MESD: variants seen among roughly 807,000 people sequenced by gnomAD.
MESD encodes the protein mesoderm development LRP chaperone.
A neutral mutation model predicts 12.9 loss-of-function variants in MESD; 7 were observed. The ratio of observed to expected loss-of-function variants is 0.54; its 90% CI spans 0.31 to 1.02. The LOEUF (loss-of-function observed/expected upper bound fraction) is 1.02, where lower values mean the gene tolerates loss of function less well. Among genes scored for constraint, MESD ranks in the 50% least tolerant of loss-of-function variants. The probability of loss-of-function intolerance (pLI) is 0.05; values close to 1 mark genes in which losing one functional copy is unlikely to be tolerated. For synonymous variants in MESD, 126 were observed against 115.6 expected (o/e 1.09, Z -0.58); for missense variants, 342 against 296.7 (o/e 1.15, Z -1.12).
At chr15:80,985,639 C>CTTTTTTTTTT (rs11425497) in intron 1 of MESD, among the ~76,000 whole-genome samples, 3 of 89,050 alleles carry the variant, frequency 3.4e-5, no homozygotes, top group African/African-American at 9.3e-5. Context: ...TCCCAAGCAG[C>CTTTTTTTTTT]TTTTTTTTTT....
intron 1 of MESD, among the ~76,000 whole-genome samples, chr15:80,988,722 T>G (rs1049886015): frequency 5.9e-5 from 9 of 152,202 alleles, no homozygotes; most frequent in African/African-American, 1.4e-4. Flanking sequence ...GGAAGGAATC[T>G]TAGGACCCAT....
Position 80,982,175 on chromosome 15 carries a change from T to C in MESD, c.221A>G (p.Asp74Gly). ...TGGAAGATCTCCTTCTTCAATGTCA[T>C]CATCTTTCTATCAGATTAGGGGAAA... is the stretch of plus-strand genomic sequence containing the variant. ...ARLLEQWEKD[D>G]DIEEGDLPEH... The change falls in exon 2 of 3, where the codon GAT (aspartate) becomes GGT (glycine). Residue 74 changes from aspartate (D) to glycine (G), a missense_variant. Transcript: ENST00000261758. The C allele has an allele frequency of 1.2e-6, 2 of 1,613,558 alleles. No homozygotes were observed. The highest frequency in any genetic ancestry group is 1.1e-5 in the South Asian group (1 of 91,064).
rs558349904 is a variant in MESD, at chr15:80,976,009, G to C, written c.*3210C>G. The C allele has an allele frequency of 2.0e-5, 3 of 152,036 alleles. No homozygotes were observed. The highest frequency in any genetic ancestry group is 7.2e-5 in the African/African-American group (3 of 41,414). 9.4% of individuals were successfully genotyped at this position (152,036 alleles called of 1,614,324 possible). ...ATTTCTCTTAAAAAATTTTTGTTTC[G>C]TTTTTTTGAGACAGAGTCTCATCCC... On this transcript the variant is annotated 3_prime_UTR_variant, in exon 3 of 3. Transcript: ENST00000261758.
chr15:80,946,356 T>A (rs1025710342), downstream of MESD: 1 of 155,428 alleles, frequency 6.4e-6, no homozygotes, highest in Non-Finnish European at 1.4e-5. Flanking sequence ...AAAATGCAGA[T>A]TCTGATTCAG....
rs1003483874 is a variant in MESD, at chr15:80,989,475, G to A, written c.213+104C>T. On this transcript the variant is annotated intron_variant, in intron 1 of 2. Transcript: ENST00000261758. ...GTAAGGATTCAAGGCATGAGTAGAG[G>A]AGGTTAGGGGGTCAGAAAGGTCCCA... The A allele has an allele frequency of 1.4e-5, 18 of 1,302,812 alleles. No homozygotes were observed. In the African/African-American group the frequency reaches 2.5e-4, roughly 18 times the overall value. The allele number at this position is 1,302,812 out of a possible 1,614,324, so 80.7% of individuals were successfully genotyped here. A position where few individuals can be genotyped will look rare whatever the true frequency, so the allele number is the denominator to read the frequency against.
chr15:80,956,774 C>G (rs900906618), intron 3 of MESD, among the ~76,000 whole-genome samples: 22 of 151,922 alleles, frequency 1.4e-4, no homozygotes, highest in African/African-American at 5.3e-4. Flanking sequence ...GATACAAGGA[C>G]GGAGCATGCA....
intron 3 of MESD, among the ~76,000 whole-genome samples, chr15:80,959,373 G>A (rs956894027): frequency 2.0e-5 from 3 of 152,182 alleles, no homozygotes; most frequent in Admixed American, 6.5e-5. Flanking sequence ...GGCTTCCCAC[G>A]AGTCAAGTGT....
intron 3 of MESD, chr15:80,970,335 G>A (rs543036837): frequency 1.3e-5 from 2 of 152,314 alleles, no homozygotes; most frequent in Admixed American, 1.3e-4. Flanking sequence ...TTCCCAAGCT[G>A]TGCTTTGGTT....
chr15:80,988,938 G>C (rs746618802), intron 1 of MESD, among the ~76,000 whole-genome samples: 14 of 152,190 alleles, frequency 9.2e-5, no homozygotes, highest in Non-Finnish European at 1.8e-4. Context: ...GCGTCCAAGT[G>C]ACAAACCAGA....
At position 80,948,784 on chromosome 15, in the gene MESD, C is replaced by A. The variant is rs371037130; in HGVS notation, c.*741G>T. On this transcript the variant is annotated 3_prime_UTR_variant, in exon 5 of 5. Coordinates refer to the MESD transcript ENST00000561312. ...TAGGGCTTTTGCTCAGGAGACTCATCATTGCTTTTCAGAGCAAATGGCATT... is the reference window on the plus strand; with the variant it reads ...TAGGGCTTTTGCTCAGGAGACTCATAATTGCTTTTCAGAGCAAATGGCATT... 6 of 1,614,084 alleles carry A rather than the reference C, an allele frequency of 3.7e-6. No homozygotes were observed. In the South Asian group the frequency reaches 6.6e-5, roughly 18 times the overall value.
At chr15:80,967,568 T>A in intron 3 of MESD, among the ~76,000 whole-genome samples, 1 of 152,114 alleles carries the variant, frequency 6.6e-6, no homozygotes, top group East Asian at 1.9e-4. Flanking sequence ...GGAGCTGAGG[T>A]AGGAGGCATG....
At chr15:80,947,918 CTTAG>C (rs2141763329) in exon 5 of MESD, 1 of 152,306 alleles carries the variant, frequency 6.6e-6, no homozygotes, top group Non-Finnish European at 1.5e-5. Context: ...AGCTGGGCTT[CTTAG>C]TTATACACCA....
At chr15:80,961,730 T>C (rs1488936943) in intron 3 of MESD, among the ~76,000 whole-genome samples, 2 of 152,178 alleles carry the variant, frequency 1.3e-5, no homozygotes, top group Admixed American at 1.3e-4. Flanking sequence ...CAGTCAGATA[T>C]TGGCTAAATA....
At chr15:80,948,705 G>A (rs535784949) in exon 5 of MESD, 24 of 1,559,034 alleles carry the variant, frequency 1.5e-5, no homozygotes, top group South Asian at 4.5e-5. Context: ...CCTGGTGGGC[G>A]TGGGGGGCTG....
chr15:80,974,152 A>T (rs2141802972), downstream of MESD, among the ~76,000 whole-genome samples: 1 of 152,280 alleles, frequency 6.6e-6, no homozygotes, highest in Non-Finnish European at 1.5e-5. Flanking sequence ...AGCCACACAC[A>T]GCCTTGTCTG....
intron 3 of MESD, chr15:80,952,885 C>A: frequency 2.2e-6 from 1 of 445,238 alleles, no homozygotes; most frequent in Non-Finnish European, 4.5e-6. Context: ...CTGTGCCAGG[C>A]ACGGTGCACA....
At chr15:80,963,780 C>G (rs528974733) in intron 3 of MESD, among the ~76,000 whole-genome samples, 1 of 152,130 alleles carries the variant, frequency 6.6e-6, no homozygotes, top group Non-Finnish European at 1.5e-5. Context: ...AATTCACCAG[C>G]CTTTCATGCT....
At chr15:80,986,186 A>G (rs1902725783) in intron 1 of MESD, among the ~76,000 whole-genome samples, 1 of 152,204 alleles carries the variant, frequency 6.6e-6, no homozygotes, top group Admixed American at 6.5e-5. Context: ...AATACCGCGC[A>G]TTCTCCTTCG....
intron 3 of MESD, among the ~76,000 whole-genome samples, chr15:80,968,601 G>C (rs1902221673): frequency 6.6e-6 from 1 of 152,152 alleles, no homozygotes; most frequent in Non-Finnish European, 1.5e-5. Flanking sequence ...GAGCTCAGGA[G>C]TTTAAGACCA....
Sources: gnomAD v4.1 joint callset for allele counts (sites outside exome capture counted in the v4.1 genomes callset) on GRCh38, gnomAD v4.1.1 for gene constraint, MANE v1.5 for transcripts, NCBI Gene and HGNC (gene_info 2026-07-23, HGNC 2026-07-21) for gene names.